LSAMP: variants seen among roughly 807,000 people sequenced by gnomAD.
LSAMP encodes limbic system associated membrane protein.
In LSAMP, 7 loss-of-function variants were observed where a neutral mutation model predicts 38.6. The observed-to-expected ratio is 0.18, with a 90% CI of 0.10 to 0.34. The LOEUF (loss-of-function observed/expected upper bound fraction) is 0.34, where lower values mean the gene tolerates loss of function less well. LSAMP is among the 10% of genes least tolerant of loss of function. LSAMP has a pLI of 1.00. For missense variants in LSAMP, 313 were observed against 420.0 expected, an observed-to-expected ratio of 0.75 and a Z score of 2.23; for synonymous variants, 154 against 166.8, an observed-to-expected ratio of 0.92 and a Z score of 0.59.
chr3:115,814,526 T>G (rs1411353766), intron 6 of LSAMP, among the ~76,000 whole-genome samples: 1 of 152,214 alleles, frequency 6.6e-6, no homozygotes, highest in Admixed American at 6.5e-5. Context: ...TTTTAGCGTA[T>G]GCTTAGAGAC....
intron 1 of LSAMP, among the ~76,000 whole-genome samples, chr3:116,206,627 G>C (rs4496480): frequency 5.4e-5 from 8 of 147,870 alleles, no homozygotes; most frequent in Non-Finnish European, 1.1e-4. Context: ...TGGTTTCAAA[G>C]AACATCTTTA....
chr3:115,845,596 G>T (rs1935134159), intron 4 of LSAMP, among the ~76,000 whole-genome samples: 1 of 152,130 alleles, frequency 6.6e-6, no homozygotes, highest in Non-Finnish European at 1.5e-5. Flanking sequence ...ATGTCAGAAG[G>T]CTTATTTGGG....
chr3:115,835,712 A>T (rs1342053242), intron 6 of LSAMP, among the ~76,000 whole-genome samples: 1 of 152,230 alleles, frequency 6.6e-6, no homozygotes, highest in East Asian at 1.9e-4. Context: ...GACTTTGGGC[A>T]CTGGATACAT....
chr3:116,270,006 T>G (rs982255647), intron 1 of LSAMP, among the ~76,000 whole-genome samples: 10 of 152,190 alleles, frequency 6.6e-5, no homozygotes, highest in African/African-American at 2.4e-4. Context: ...AAACCATTTT[T>G]AACATGACAA....
At chr3:116,099,462 G>A (rs1708295926) in intron 1 of LSAMP, among the ~76,000 whole-genome samples, 1 of 152,120 alleles carries the variant, frequency 6.6e-6, no homozygotes, top group Non-Finnish European at 1.5e-5. Flanking sequence ...ATTTAGTCAC[G>A]ACTTCCTGAC....
At chr3:116,179,546 C>T (rs1710434313) in intron 1 of LSAMP, among the ~76,000 whole-genome samples, 1 of 151,982 alleles carries the variant, frequency 6.6e-6, no homozygotes, top group African/African-American at 2.4e-5. Context: ...TGTACAGGAG[C>T]ATAGCTGGGG....
intron 1 of LSAMP, among the ~76,000 whole-genome samples, chr3:116,358,515 C>T (rs898207257): frequency 2.6e-5 from 4 of 151,996 alleles, no homozygotes; most frequent in East Asian, 1.9e-4. Context: ...CACACTTGGA[C>T]GGAAGAAAAG....
Position 116,105,915 on chromosome 3 carries a change from G to A in LSAMP, c.156-19359C>T, listed in dbSNP as rs188474335. Among the ~76,000 whole-genome samples the A allele has an allele frequency of 6.3e-3, 954 of 152,140 alleles. 7 individuals carry two copies. Among genetic ancestry groups the A allele is most frequent in the African/African-American group, 0.021 (863 of 41,494 alleles). On this transcript the variant is annotated intron_variant, in intron 1 of 6. Transcript: ENST00000490035. ...GATGTTTCTCAGGGCTGTTTCAAGC[G>A]GGATTAGGGGCGGCGTGGGAACCTA... is the stretch of plus-strand genomic sequence containing the variant.
chr3:115,831,322 G>A (rs1455923851), intron 6 of LSAMP, among the ~76,000 whole-genome samples: 1 of 152,188 alleles, frequency 6.6e-6, no homozygotes, highest in African/African-American at 2.4e-5. Flanking sequence ...CAAAGTGGCA[G>A]TGATCAGAAA....
intron 6 of LSAMP, among the ~76,000 whole-genome samples, chr3:115,838,894 A>T (rs1205711031): frequency 6.6e-6 from 1 of 152,154 alleles, no homozygotes; most frequent in East Asian, 1.9e-4. Context: ...ACCAATGAAG[A>T]TGAATAATCG....
intron 3 of LSAMP, among the ~76,000 whole-genome samples, chr3:115,929,190 T>C (rs1258596805): frequency 2.0e-5 from 3 of 151,968 alleles, no homozygotes. Context: ...AGTAGAAAGA[T>C]AGGAAGACTA....
At chr3:115,834,698 T>G in intron 6 of LSAMP, 1 of 467,204 alleles carries the variant, frequency 2.1e-6, no homozygotes, top group Non-Finnish European at 3.1e-6. Context: ...ACAGATGAAT[T>G]TCCATGCTTA....
chr3:115,940,629 A>T (rs973710633), intron 3 of LSAMP, among the ~76,000 whole-genome samples: 1 of 152,122 alleles, frequency 6.6e-6, no homozygotes, highest in Non-Finnish European at 1.5e-5. Flanking sequence ...TTATACATGG[A>T]TATCCAATTT....
chr3:115,949,070 C>A (rs547705162), intron 3 of LSAMP, among the ~76,000 whole-genome samples: 2 of 152,108 alleles, frequency 1.3e-5, no homozygotes. Context: ...GAGTTCGAGA[C>A]CAGCCTGTCC....
At chr3:116,126,140 A>G (rs538442216) in intron 1 of LSAMP, among the ~76,000 whole-genome samples, 2 of 152,314 alleles carry the variant, frequency 1.3e-5, no homozygotes, top group East Asian at 3.9e-4. Context: ...GTCTACATGA[A>G]AAGAAAAATC....
At chr3:116,271,550 A>C (rs928996927) in intron 1 of LSAMP, among the ~76,000 whole-genome samples, 1 of 152,174 alleles carries the variant, frequency 6.6e-6, no homozygotes, top group African/African-American at 2.4e-5. Context: ...TGGTGGAAGA[A>C]TCAAAATAAC....
At chr3:116,423,905 A>G (rs1426233962) in intron 1 of LSAMP, among the ~76,000 whole-genome samples, 1 of 152,246 alleles carries the variant, frequency 6.6e-6, no homozygotes, top group Non-Finnish European at 1.5e-5. Flanking sequence ...GAACACAGCA[A>G]GATCAAAAAG....
At chr3:116,020,161 C>A (rs1940598452) in intron 2 of LSAMP, among the ~76,000 whole-genome samples, 2 of 152,038 alleles carry the variant, frequency 1.3e-5, no homozygotes, top group Admixed American at 1.3e-4. Flanking sequence ...TTAATCACCA[C>A]AATAGAAAGC....
chr3:116,071,271 C>T lies in LSAMP; in HGVS notation c.388+15053G>A, dbSNP rs1707600157. ...AAGAAATATAAAAGGGGGAAAAGGG[C>T]ATCACAACAACTTTCACTCTCTGAA... On this transcript the variant is annotated intron_variant, in intron 2 of 6. Coordinates refer to ENST00000490035, the MANE Select transcript of LSAMP (RefSeq NM_002338.5). Among the ~76,000 whole-genome samples the T allele has an allele frequency of 2.7e-5, 4 of 149,502 alleles. No homozygotes were observed. In the Middle Eastern group the frequency reaches 0.01, roughly 392 times the overall value.
Sources: gnomAD v4.1 joint callset for allele counts (sites outside exome capture counted in the v4.1 genomes callset) on GRCh38, gnomAD v4.1.1 for gene constraint, MANE v1.5 for transcripts, NCBI Gene and HGNC (gene_info 2026-07-23, HGNC 2026-07-21) for gene names.